The following DEPDC1B variants were observed in gnomAD, a reference collection of about 807,000 sequenced individuals.
The protein encoded by DEPDC1B is DEP domain containing 1B.
Under a neutral mutation model 66.5 loss-of-function variants are expected in DEPDC1B, and 51 were observed. The observed-to-expected ratio is 0.77, with a 90% CI of 0.61 to 0.97. The LOEUF (loss-of-function observed/expected upper bound fraction) is 0.97, where lower values mean the gene tolerates loss of function less well. Ranked by LOEUF, DEPDC1B falls within the 50% of genes least tolerant of loss-of-function variation. The probability of loss-of-function intolerance (pLI) is 0.00; values close to 1 mark genes in which losing one functional copy is unlikely to be tolerated. For missense variants in DEPDC1B, 552 were observed against 637.1 expected (o/e 0.87, Z 1.44); for synonymous variants, 226 against 223.6 (o/e 1.01, Z -0.10).
chr5:60,630,154 T>C (rs1018689761), intron 7 of DEPDC1B, among the ~76,000 whole-genome samples: 8 of 152,376 alleles, frequency 5.3e-5, no homozygotes, highest in Non-Finnish European at 8.8e-5. Context: ...TTTATACTTC[T>C]TTATATGAAT....
intron 7 of DEPDC1B, among the ~76,000 whole-genome samples, chr5:60,619,881 T>C (rs1001751470): frequency 1.8e-4 from 27 of 152,306 alleles, no homozygotes; most frequent in African/African-American, 6.0e-4. Context: ...GGTACCTGAC[T>C]TCAAACTATA....
chr5:60,642,805 T>A lies in DEPDC1B; in HGVS notation c.757+7A>T. On this transcript the variant is annotated splice_region_variant and intron_variant, in intron 6 of 10. Transcript: ENST00000265036. ...TTTCACAAAACTGGCAGATAATTAG[T>A]ACTTACAATTTGCCAAACACTTCAT... 1 of 1,607,642 alleles carries A rather than the reference T, an allele frequency of 6.2e-7. No individual in the cohort carries two copies. The highest frequency in any genetic ancestry group is 1.1e-5 in the South Asian group (1 of 89,306).
At chr5:60,629,054 C>A (rs112787192) in intron 7 of DEPDC1B, among the ~76,000 whole-genome samples, 2 of 152,088 alleles carry the variant, frequency 1.3e-5, no homozygotes, top group Non-Finnish European at 2.9e-5. Flanking sequence ...TGGGGCCGGC[C>A]CTGTCCTGGG....
chr5:60,625,499 C>A (rs936816570), intron 7 of DEPDC1B, among the ~76,000 whole-genome samples: 1 of 152,270 alleles, frequency 6.6e-6, no homozygotes, highest in South Asian at 2.1e-4. Flanking sequence ...CTCAAGGGTA[C>A]AAGGTAGCAG....
At chr5:60,677,621 T>C (rs1754200726) in intron 2 of DEPDC1B, among the ~76,000 whole-genome samples, 1 of 151,988 alleles carries the variant, frequency 6.6e-6, no homozygotes, top group African/African-American at 2.4e-5. Context: ...ACTGCACCCT[T>C]GAACTCTGGG....
At chr5:60,666,802 C>A (rs1753851442) in intron 2 of DEPDC1B, among the ~76,000 whole-genome samples, 1 of 152,094 alleles carries the variant, frequency 6.6e-6, no homozygotes, top group South Asian at 2.1e-4. Flanking sequence ...AGAAGCACAA[C>A]CCACATGGAG....
intron 7 of DEPDC1B, chr5:60,631,056 A>C (rs534025726): frequency 2.0e-5 from 3 of 152,880 alleles, no homozygotes; most frequent in Non-Finnish European, 4.4e-5. Context: ...GGGTGAAAAA[A>C]ATCCACATCT....
Position 60,700,145 on chromosome 5 carries a change from C to A in DEPDC1B, c.-52G>T. 1 of 1,522,416 alleles carries A rather than the reference C, an allele frequency of 6.6e-7. No individual in the cohort carries two copies. Among genetic ancestry groups the A allele is most frequent in the Non-Finnish European group, 8.8e-7 (1 of 1,139,050 alleles). The allele number at this position is 1,522,416 out of a possible 1,614,324, so 94.3% of individuals were successfully genotyped here. A position where few individuals can be genotyped will look rare whatever the true frequency, so the allele number is the denominator to read the frequency against. On this transcript the variant is annotated 5_prime_UTR_variant, in exon 1 of 11. Transcript: ENST00000265036. Reference sequence around the variant, plus strand: ...CGCGCCAGCGCTGATCCCCGCCAGCCGGAGGAGCAGCAGTTTGAATCCCAA... The same window carrying A: ...CGCGCCAGCGCTGATCCCCGCCAGCAGGAGGAGCAGCAGTTTGAATCCCAA...
intron 2 of DEPDC1B, among the ~76,000 whole-genome samples, chr5:60,651,635 G>C (rs1753458468): frequency 6.6e-6 from 1 of 152,050 alleles, no homozygotes; most frequent in African/African-American, 2.4e-5. Flanking sequence ...AACTAGAAAA[G>C]AAATGTGTGG....
In DEPDC1B at chr5:60,618,242, G is replaced by A. The variant is rs558040044; in HGVS notation, c.899-12386C>T. ...AATTAAAAGAACTAGAGAAGCAAGAGCAAACACATTCAAAAGCCAACAGAA... is the reference window on the plus strand; with the variant it reads ...AATTAAAAGAACTAGAGAAGCAAGAACAAACACATTCAAAAGCCAACAGAA... On this transcript the variant is annotated intron_variant, in intron 7 of 10. Transcript: ENST00000265036. Among the ~76,000 whole-genome samples, 849 of 152,202 alleles carry A rather than the reference G, an allele frequency of 5.6e-3. 8 individuals are homozygous for A. Among genetic ancestry groups the A allele is most frequent in the Non-Finnish European group, 9.1e-3 (622 of 68,014 alleles).
At chr5:60,605,568 A>G in intron 8 of DEPDC1B, 122 bp downstream of exon 8, 1 of 1,054,868 alleles carries the variant, frequency 9.5e-7, no homozygotes, top group East Asian at 2.6e-5. Flanking sequence ...CTGGGTGGAC[A>G]CTGACTGTGG....
intron 2 of DEPDC1B, among the ~76,000 whole-genome samples, chr5:60,681,883 T>C (rs1289131528): frequency 6.6e-6 from 1 of 151,906 alleles, no homozygotes; most frequent in Non-Finnish European, 1.5e-5. Flanking sequence ...TAGCTGGGGC[T>C]ATAGGTACAC....
chr5:60,654,201 A>G (rs1753524543), intron 2 of DEPDC1B, among the ~76,000 whole-genome samples: 4 of 149,026 alleles, frequency 2.7e-5, no homozygotes, highest in Admixed American at 2.7e-4. Context: ...TTGGTAGTAC[A>G]GTCATTTTTA....
At chr5:60,660,264 GAC>G (rs1246014007) in intron 2 of DEPDC1B, among the ~76,000 whole-genome samples, 1 of 148,748 alleles carries the variant, frequency 6.7e-6, no homozygotes, top group East Asian at 2.0e-4. Flanking sequence ...AGAGGAGAGA[GAC>G]AGAGAGAGAG....
At chr5:60,697,723 T>A (rs1286522986) in intron 1 of DEPDC1B, among the ~76,000 whole-genome samples, 3 of 152,228 alleles carry the variant, frequency 2.0e-5, no homozygotes, top group Non-Finnish European at 4.4e-5. Flanking sequence ...ACTATGAAGT[T>A]GAGAACTGAA....
intron 2 of DEPDC1B, among the ~76,000 whole-genome samples, chr5:60,662,796 G>GGACAAGT (rs1279133352): frequency 6.6e-6 from 1 of 152,138 alleles, no homozygotes; most frequent in Non-Finnish European, 1.5e-5. Flanking sequence ...AGGATGCCCA[G>GGACAAGT]GACAAGTGCC....
In DEPDC1B at chr5:60,687,174, G is replaced by A. The variant is rs1195849817; in HGVS notation, c.102C>T (p.Arg34=). 1 of 1,613,994 alleles carries A rather than the reference G, an allele frequency of 6.2e-7. No homozygotes were observed. Among genetic ancestry groups the A allele is most frequent in the Non-Finnish European group, 8.5e-7 (1 of 1,179,864 alleles). Residue 34 remains arginine (R), a synonymous_variant, in exon 2 of 11, where the codon CGC becomes CGT. Transcript: ENST00000265036. ...FRAKMPLRKH[R]CRFKSYEHCF... is the part of the protein sequence containing the mutation. Reference sequence around the variant, plus strand: ...AATGCTCATAGCTCTTGAAACGACAGCGATGTTTCCGTAACGGCATCTTAG... The same window carrying A: ...AATGCTCATAGCTCTTGAAACGACAACGATGTTTCCGTAACGGCATCTTAG...
intron 2 of DEPDC1B, among the ~76,000 whole-genome samples, chr5:60,660,167 A>AAG (rs1264693209): frequency 2.0e-5 from 3 of 151,244 alleles, no homozygotes; most frequent in Admixed American, 6.6e-5. Context: ...GAGAGAGAGA[A>AAG]AGAGAGAGAG....
At position 60,699,443 on chromosome 5, in the gene DEPDC1B, G is replaced by GAAAAAAAAAAAAAAAAAAAAAAA. The variant is rs528758437; in HGVS notation, c.48+602_48+603insTTTTTTTTTTTTTTTTTTTTTTT. Among the ~76,000 whole-genome samples the GAAAAAAAAAAAAAAAAAAAAAAA allele has an allele frequency of 3.4e-5, 3 of 89,378 alleles. 1 individual carries two copies. Among genetic ancestry groups the GAAAAAAAAAAAAAAAAAAAAAAA allele is most frequent in the African/African-American group, 1.1e-4 (2 of 18,168 alleles). The allele number at this position is 89,378 out of a possible 152,430, so 58.6% of individuals were successfully genotyped here. The stretch of plus-strand genomic sequence containing the variant: ...CCTCAATACCAAAGCTTTTCTCCCA[G>GAAAAAAAAAAAAAAAAAAAAAAA]AAAAAAAAAAAAAAAAAAACAGGAA... On this transcript the variant is annotated intron_variant, in intron 1 of 10. Transcript: ENST00000265036.
Sources: gnomAD v4.1 joint callset for allele counts (sites outside exome capture counted in the v4.1 genomes callset) on GRCh38, gnomAD v4.1.1 for gene constraint, MANE v1.5 for transcripts, NCBI Gene and HGNC (gene_info 2026-07-23, HGNC 2026-07-21) for gene names.